Variants in IMMP2L observed in about 807,000 individuals in gnomAD.
The protein encoded by IMMP2L is mitochondrial inner membrane protease subunit 2.
A neutral mutation model predicts 19.3 loss-of-function variants in IMMP2L; 18 were observed. The observed-to-expected ratio is 0.93, with a 90% CI of 0.64 to 1.38. IMMP2L has a LOEUF of 1.38. Ranked by LOEUF, IMMP2L falls within the 40% of genes most tolerant of loss-of-function variation. IMMP2L has a pLI of 0.00. For missense variants in IMMP2L, 233 were observed against 218.2 expected (o/e 1.07, Z -0.43); for synonymous variants, 76 against 73.0 (o/e 1.04, Z -0.21).
At chr7:111,033,122 A>G (rs567861984) in intron 3 of IMMP2L, among the ~76,000 whole-genome samples, 1 of 152,348 alleles carries the variant, frequency 6.6e-6, no homozygotes, top group South Asian at 2.1e-4. Flanking sequence ...TCCATCTCAA[A>G]TAATAAATAA....
At chr7:111,079,808 G>T (rs1187821131) in intron 3 of IMMP2L, among the ~76,000 whole-genome samples, 1 of 152,168 alleles carries the variant, frequency 6.6e-6, no homozygotes, top group Non-Finnish European at 1.5e-5. Context: ...GCACTTGGAG[G>T]TGGGGCCTTT....
intron 3 of IMMP2L, among the ~76,000 whole-genome samples, chr7:111,089,110 A>G (rs1796595610): frequency 2.0e-5 from 3 of 152,168 alleles, no homozygotes; most frequent in African/African-American, 7.2e-5. Context: ...AGTTAAAACA[A>G]CTTCCTATGA....
At chr7:110,859,416 G>C (rs1446922421) in intron 5 of IMMP2L, among the ~76,000 whole-genome samples, 3 of 151,760 alleles carry the variant, frequency 2.0e-5, no homozygotes, top group Admixed American at 6.6e-5. Flanking sequence ...AGACTAAAAA[G>C]TTTAGTACAA....
intron 3 of IMMP2L, among the ~76,000 whole-genome samples, chr7:111,056,259 C>T (rs1456376530): frequency 6.6e-6 from 1 of 152,170 alleles, no homozygotes; most frequent in African/African-American, 2.4e-5. Context: ...TAAAACACTA[C>T]ACTAATGACC....
At chr7:110,980,146 T>A (rs1170995692) in intron 3 of IMMP2L, among the ~76,000 whole-genome samples, 4 of 151,928 alleles carry the variant, frequency 2.6e-5, no homozygotes, top group African/African-American at 9.7e-5. Flanking sequence ...GAAACCGTCC[T>A]TTGCTGATCT....
At chr7:111,147,707 G>A (rs968463681) in intron 3 of IMMP2L, among the ~76,000 whole-genome samples, 5 of 152,020 alleles carry the variant, frequency 3.3e-5, no homozygotes, top group African/African-American at 1.2e-4. Flanking sequence ...TAATTTTAGT[G>A]GTTGCGAGGC....
chr7:111,388,099 C>T (rs1384468879), intron 3 of IMMP2L, among the ~76,000 whole-genome samples: 1 of 151,044 alleles, frequency 6.6e-6, no homozygotes, highest in Admixed American at 6.6e-5. Context: ...AGAGTCCACA[C>T]AGCCCTTTAT....
intron 3 of IMMP2L, among the ~76,000 whole-genome samples, chr7:111,017,360 A>T (rs1055107784): frequency 1.3e-5 from 2 of 151,926 alleles, no homozygotes; most frequent in African/African-American, 2.4e-5. Flanking sequence ...CACTGCGCCC[A>T]GCCTTGTTAT....
chr7:110,823,462 T>A (rs1005737387), intron 5 of IMMP2L, among the ~76,000 whole-genome samples: 7 of 151,946 alleles, frequency 4.6e-5, no homozygotes, highest in Non-Finnish European at 1.0e-4. Context: ...TATAATAATA[T>A]ATGGAGTATT....
chr7:111,325,432 T>G (rs1185620006), intron 3 of IMMP2L, among the ~76,000 whole-genome samples: 1 of 151,674 alleles, frequency 6.6e-6, no homozygotes, highest in African/African-American at 2.4e-5. Context: ...TTAATTCCAT[T>G]TTTTCCACTT....
chr7:111,090,528 T>A (rs1023709577), intron 3 of IMMP2L, among the ~76,000 whole-genome samples: 1 of 150,844 alleles, frequency 6.6e-6, no homozygotes, highest in African/African-American at 2.4e-5. Context: ...CCCCCTCAAA[T>A]GCCAATGTTG....
intron 3 of IMMP2L, among the ~76,000 whole-genome samples, chr7:111,030,866 G>GTA (rs1168327964): frequency 3.1e-5 from 2 of 63,648 alleles, no homozygotes; most frequent in Admixed American, 4.7e-4. Flanking sequence ...ATATGTGTGT[G>GTA]TATGTGTGTG....
chr7:111,218,834 G>A (rs1344459538), intron 3 of IMMP2L, among the ~76,000 whole-genome samples: 1 of 152,030 alleles, frequency 6.6e-6, no homozygotes, highest in Non-Finnish European at 1.5e-5. Context: ...CTGAGCCCCT[G>A]ACTACAGCCA....
At chr7:111,392,052 G>T (rs1432954651) in intron 3 of IMMP2L, 1 of 698,232 alleles carries the variant, frequency 1.4e-6, no homozygotes, top group South Asian at 1.5e-5. Context: ...TTACCAGCTT[G>T]ATTGCATTTA....
chr7:111,411,618 ACAAAAT>A, intron 3 of IMMP2L: 1 of 285,164 alleles, frequency 3.5e-6, no homozygotes, highest in Non-Finnish European at 7.0e-6. Context: ...CGGGAAGTGC[ACAAAAT>A]CAACCCTGAG....
In IMMP2L at chr7:110,662,791, G is replaced by A. The variant is rs1791180101; in HGVS notation, c.*811C>T. ...AAATCAAACGTGGCTGATCTGGACT[G>A]TTTTTTCTTCTATTTCACTCAGAAC... On this transcript the variant is annotated 3_prime_UTR_variant, in exon 6 of 6. Transcript: ENST00000405709. Among the ~76,000 whole-genome samples the A allele has an allele frequency of 6.6e-6, 1 of 152,138 alleles. No homozygotes were observed.
At chr7:110,972,059 T>C (rs1445789839) in intron 3 of IMMP2L, among the ~76,000 whole-genome samples, 3 of 152,098 alleles carry the variant, frequency 2.0e-5, no homozygotes, top group Non-Finnish European at 4.4e-5. Flanking sequence ...GCTATTGTTT[T>C]GCAAAAGAGC....
chr7:111,496,052 G>T (rs1843564465), intron 2 of IMMP2L, among the ~76,000 whole-genome samples: 3 of 152,134 alleles, frequency 2.0e-5, no homozygotes, highest in African/African-American at 7.2e-5. Flanking sequence ...TAGTACTGTT[G>T]ATTTAGACTT....
intron 3 of IMMP2L, among the ~76,000 whole-genome samples, chr7:111,336,343 C>T (rs1233143904): frequency 6.6e-6 from 1 of 151,844 alleles, no homozygotes; most frequent in Non-Finnish European, 1.5e-5. Flanking sequence ...TGTGAGCCAC[C>T]ACACCAGGCC....
Sources: allele counts gnomAD v4.1 joint callset (sites outside exome capture counted in the v4.1 genomes callset), GRCh38; gene constraint gnomAD v4.1.1; transcripts MANE v1.5; gene names NCBI Gene and HGNC (gene_info 2026-07-23, HGNC 2026-07-21).